The following PLAGL1 variants were observed in gnomAD, a reference collection of about 807,000 sequenced individuals.
The protein encoded by PLAGL1 is zinc finger protein PLAGL1.
In PLAGL1, 1 loss-of-function variant was observed where a neutral mutation model predicts 4.6. The ratio of observed to expected loss-of-function variants is 0.22; its 90% CI spans 0.08 to 1.03. PLAGL1 has a LOEUF of 1.03. Ranked by LOEUF, PLAGL1 falls within the 50% of genes least tolerant of loss-of-function variation. PLAGL1 has a pLI of 0.58. For missense variants in PLAGL1, 464 were observed against 570.4 expected (o/e 0.81, Z 1.90); for synonymous variants, 240 against 237.8 (o/e 1.01, Z -0.08).
chr6:144,037,830 C>T (rs1385921348), intron 1 of PLAGL1: 1 of 152,150 alleles, frequency 6.6e-6, no homozygotes, highest in Non-Finnish European at 1.5e-5. Flanking sequence ...GAAATGTACA[C>T]AGTAAGGTTC....
chr6:144,021,812 G>T (rs1159951934), intron 1 of PLAGL1, among the ~76,000 whole-genome samples: 1 of 152,160 alleles, frequency 6.6e-6, no homozygotes, highest in Non-Finnish European at 1.5e-5. Flanking sequence ...CAATTAGAAA[G>T]GTAAGGAGAT....
chr6:143,978,871 A>G lies in PLAGL1; in HGVS notation c.-544+6264T>C, dbSNP rs183802285. ...CTTCTATAGCCTTCTTGGTTTTCCAACTACTTGATCTATTATCTATTGAAG... is the reference window on the plus strand; with the variant it reads ...CTTCTATAGCCTTCTTGGTTTTCCAGCTACTTGATCTATTATCTATTGAAG... On this transcript the variant is annotated intron_variant, in intron 2 of 7. Transcript: ENST00000674357. The surrounding 1 kb of genome is among the most constrained non-coding windows in gnomAD (Gnocchi z 4.6). Among the ~76,000 whole-genome samples, 1 of 152,286 alleles carries G rather than the reference A, an allele frequency of 6.6e-6. No homozygotes were observed. The highest frequency in any genetic ancestry group is 2.4e-5 in the African/African-American group (1 of 41,574).
At chr6:144,046,972 C>T (rs1798204233) in intron 1 of PLAGL1, among the ~76,000 whole-genome samples, 1 of 152,210 alleles carries the variant, frequency 6.6e-6, no homozygotes, top group Non-Finnish European at 1.5e-5. Context: ...TAGCAGTGAA[C>T]AAGGCTCTGT....
chr6:144,030,593 G>A (rs540460637), intron 1 of PLAGL1, among the ~76,000 whole-genome samples: 1 of 152,272 alleles, frequency 6.6e-6, no homozygotes, highest in South Asian at 2.1e-4. Context: ...GAGAACATAC[G>A]ATGTTTGGTT....
rs1277123998 is a variant in PLAGL1 at position 143,986,055 on chromosome 6, C to A, written c.-583-881G>T. On this transcript the variant is annotated intron_variant, in intron 1 of 7. Coordinates refer to ENST00000674357, the MANE Select transcript of PLAGL1 (RefSeq NM_001317162.2). ...AACCTTTGATGTATGCACATTGACC[C>A]TGTTTGGCCCAGGAGAAAATTGAGG... Among the ~76,000 whole-genome samples the A allele has an allele frequency of 3.5e-5, 5 of 144,586 alleles. No individual in the cohort carries two copies. The Admixed American group carries it at 3.5e-4, about 10-fold the overall frequency. 94.9% of individuals were successfully genotyped at this position (144,586 alleles called of 152,430 possible). A position where few individuals can be genotyped will look rare whatever the true frequency, so the allele number is the denominator to read the frequency against.
chr6:144,027,242 A>AGAACGAAC lies in PLAGL1; in HGVS notation c.-151+37225_-151+37226insGTTCGTTC, dbSNP rs1554277699. Among the ~76,000 whole-genome samples, 1,880 of 86,238 alleles carry AGAACGAAC rather than the reference A, an allele frequency of 0.022. 35 individuals are homozygous for AGAACGAAC. The highest frequency in any genetic ancestry group is 0.035 in the South Asian group (94 of 2,686). 56.6% of individuals were successfully genotyped at this position (86,238 alleles called of 152,430 possible). On this transcript the variant is annotated intron_variant, in intron 1 of 3. Transcript: ENST00000437412. The surrounding 1 kb of genome is among the most constrained non-coding windows in gnomAD (Gnocchi z 5.8). Reference sequence around the variant, plus strand: ...CCAACTCAAAGAACGAACGAAAGAAAGAAAGAAAGAAAGAAAGAAAGAAAG... The same window carrying AGAACGAAC: ...CCAACTCAAAGAACGAACGAAAGAAAGAACGAACGAAAGAAAGAAAGAAAGAAAGAAAG...
rs1459334181 is a variant in PLAGL1, at chr6:143,954,024, A to G, written c.-324-5564T>C. On this transcript the variant is annotated intron_variant, in intron 6 of 7. Transcript: ENST00000674357. The surrounding 1 kb of genome is among the most constrained non-coding windows in gnomAD (Gnocchi z 5.1). ...GGGGGAGTAGCCTGACACAGGGTGA[A>G]TGTCCTCTCTCTCAGGGCAGGAGGA... is the stretch of plus-strand genomic sequence containing the variant. Among the ~76,000 whole-genome samples, 1 of 152,142 alleles carries G rather than the reference A, an allele frequency of 6.6e-6. No individual in the cohort carries two copies. Among genetic ancestry groups the G allele is most frequent in the African/African-American group, 2.4e-5 (1 of 41,428 alleles).
rs1252786460 is a variant in PLAGL1, at chr6:143,958,047, G to A, written c.-325+2422C>T. On this transcript the variant is annotated intron_variant, in intron 6 of 7. Coordinates refer to ENST00000674357, the MANE Select transcript of PLAGL1 (RefSeq NM_001317162.2). The surrounding 1 kb of genome is among the most constrained non-coding windows in gnomAD (Gnocchi z 5.1). ...GAGTCATGAAGCAGCATAGGGCAAT[G>A]TGGAACACGTGGTGCAGCCTGGCTG... is the stretch of plus-strand genomic sequence containing the variant. Among the ~76,000 whole-genome samples, 1 of 152,210 alleles carries A rather than the reference G, an allele frequency of 6.6e-6. No homozygotes were observed. The highest frequency in any genetic ancestry group is 1.5e-5 in the Non-Finnish European group (1 of 68,028).
intron 1 of PLAGL1, among the ~76,000 whole-genome samples, chr6:144,001,871 A>T (rs1792966742): frequency 6.6e-6 from 1 of 152,176 alleles, no homozygotes; most frequent in South Asian, 2.1e-4. Flanking sequence ...TTTACAAAAC[A>T]CATAACCAGT....
At position 143,958,596 on chromosome 6, in the gene PLAGL1, C is replaced by G. The variant is rs1431583941; in HGVS notation, c.-325+1873G>C. Among the ~76,000 whole-genome samples the G allele has an allele frequency of 6.6e-6, 1 of 152,140 alleles. No homozygotes were observed. The highest frequency in any genetic ancestry group is 1.9e-4 in the East Asian group (1 of 5,196). The stretch of plus-strand genomic sequence containing the variant: ...AAGAAGCTTGAGAATTTTCTCTTTG[C>G]CTTTCCATGTCATGTCCAATAAATT... On this transcript the variant is annotated intron_variant, in intron 6 of 7. Coordinates refer to ENST00000674357, the MANE Select transcript of PLAGL1 (RefSeq NM_001317162.2). The surrounding 1 kb of genome is among the most constrained non-coding windows in gnomAD (Gnocchi z 5.1).
intron 1 of PLAGL1, among the ~76,000 whole-genome samples, chr6:143,991,336 A>T (rs1471401497): frequency 1.3e-5 from 2 of 152,126 alleles, no homozygotes; most frequent in East Asian, 3.9e-4. Context: ...AATTTACCTC[A>T]TATTTCCTGG....
chr6:143,963,336 T>C lies in PLAGL1; in HGVS notation c.-399+1451A>G, dbSNP rs926571271. Among the ~76,000 whole-genome samples, 11 of 152,210 alleles carry C rather than the reference T, an allele frequency of 7.2e-5. No homozygotes were observed. The highest frequency in any genetic ancestry group is 1.5e-4 in the Non-Finnish European group (10 of 68,042). The stretch of plus-strand genomic sequence containing the variant: ...TCCCTCCCGCAGCTCTCGGGATACC[T>C]TGCAGTGCCCCTTCAAGGTCACATG... On this transcript the variant is annotated intron_variant, in intron 5 of 7. Transcript: ENST00000674357. The surrounding 1 kb of genome is among the most constrained non-coding windows in gnomAD (Gnocchi z 6.1).
chr6:143,949,089 C>T lies in PLAGL1; in HGVS notation c.-324-629G>A, dbSNP rs1780456040. Among the ~76,000 whole-genome samples the T allele has an allele frequency of 6.6e-6, 1 of 152,200 alleles. No individual in the cohort carries two copies. Among genetic ancestry groups the T allele is most frequent in the African/African-American group, 2.4e-5 (1 of 41,448 alleles). On this transcript the variant is annotated intron_variant, in intron 6 of 7. Transcript: ENST00000674357. This position sits in a 1 kb window ranked among gnomAD's most constrained non-coding sequence, Gnocchi z 5.3. ...AAAGCTGATAGCTCAGGAACCAGCC[C>T]AGGCCACGTTCAGATTTGTAGGCAC...
At chr6:143,987,437 CT>C (rs71024883) in intron 1 of PLAGL1, among the ~76,000 whole-genome samples, 32 of 73,948 alleles carry the variant, frequency 4.3e-4, no homozygotes, top group African/African-American at 8.4e-4. Flanking sequence ...ACCACACTGG[CT>C]TTTTTTTTTT....
In PLAGL1 at chr6:144,063,676, C is replaced by T. The variant is rs1799607249; in HGVS notation, c.-151+792G>A. ...CTTTTTCAATAAAATGAACAGGTCC[C>T]GCGCTCCTAGACCCATGAACACTCG... On this transcript the variant is annotated intron_variant, in intron 1 of 3. Transcript: ENST00000437412. This position sits in a 1 kb window ranked among gnomAD's most constrained non-coding sequence, Gnocchi z 5.7. 6.6e-6 allele frequency among the ~76,000 whole-genome samples: 1 copy of T among 152,198 alleles called. No homozygotes were observed. The highest frequency in any genetic ancestry group is 1.5e-5 in the Non-Finnish European group (1 of 68,024).
intron 7 of PLAGL1, among the ~76,000 whole-genome samples, chr6:143,943,572 A>G (rs1018052418): frequency 6.6e-6 from 1 of 151,730 alleles, no homozygotes; most frequent in African/African-American, 2.4e-5. Context: ...CTTGACTATC[A>G]GCTCTTATCT....
intron 6 of PLAGL1, among the ~76,000 whole-genome samples, chr6:143,956,049 G>C (rs375698429): frequency 6.6e-6 from 1 of 152,226 alleles, no homozygotes; most frequent in Admixed American, 6.5e-5. Flanking sequence ...GACGTGAAGC[G>C]TGGAGTGGCT....
In PLAGL1 at chr6:143,966,994, G is replaced by A. The variant is rs1421398425; in HGVS notation, c.-471-796C>T. The A allele has an allele frequency of 6.6e-6, 1 of 152,180 alleles. No homozygotes were observed. The highest frequency in any genetic ancestry group is 1.5e-5 in the Non-Finnish European group (1 of 68,030). 9.4% of individuals were successfully genotyped at this position (152,180 alleles called of 1,614,324 possible). On this transcript the variant is annotated intron_variant, in intron 3 of 7. Coordinates refer to ENST00000674357, the MANE Select transcript of PLAGL1 (RefSeq NM_001317162.2). The surrounding 1 kb of genome is among the most constrained non-coding windows in gnomAD (Gnocchi z 6.0). ...CATACTCTACTTAATACTAGGTTGT[G>A]TTCCTACAGTTAGTTAAAAAACCAA...
rs1781574164 is a variant in PLAGL1, at chr6:143,953,961, C to T, written c.-324-5501G>A. On this transcript the variant is annotated intron_variant, in intron 6 of 7. Transcript: ENST00000674357. This position sits in a 1 kb window ranked among gnomAD's most constrained non-coding sequence, Gnocchi z 5.3. ...CAGTGGGGTGCCTGCCCTTCCTTCC[C>T]CTAGCACAAGTGCTCGCTATGGAGA... Among the ~76,000 whole-genome samples, 1 of 152,186 alleles carries T rather than the reference C, an allele frequency of 6.6e-6. No homozygotes were observed. The highest frequency in any genetic ancestry group is 2.4e-5 in the African/African-American group (1 of 41,446).
Sources: allele counts gnomAD v4.1 joint callset (sites outside exome capture counted in the v4.1 genomes callset), GRCh38; gene constraint gnomAD v4.1.1; non-coding constraint Gnocchi (gnomAD v3.1); transcripts MANE v1.5; gene names NCBI Gene and HGNC (gene_info 2026-07-23, HGNC 2026-07-21).